ADK: variants seen among roughly 807,000 people sequenced by gnomAD.
ADK encodes adenosine kinase.
In ADK, 24 loss-of-function variants were observed where a neutral mutation model predicts 44.7. The observed-to-expected ratio is 0.54, with a 90% confidence interval of 0.39 to 0.76. The LOEUF (loss-of-function observed/expected upper bound fraction) is 0.76, where lower values mean the gene tolerates loss of function less well. ADK is among the 30% of genes least tolerant of loss of function. ADK has a pLI of 0.00. For missense variants in ADK, 321 were observed against 425.1 expected (o/e 0.76, Z 2.15); for synonymous variants, 128 against 142.6 (o/e 0.90, Z 0.73).
chr10:74,600,498 A>T lies in ADK; in HGVS notation c.877+5A>T, dbSNP rs1349591100. On this transcript the variant is annotated splice_donor_5th_base_variant and intron_variant, in intron 9 of 10. Coordinates refer to ENST00000539909, the MANE Select transcript of ADK (RefSeq NM_006721.4). The stretch of plus-strand genomic sequence containing the variant: ...ATGACACTATAATGGCTACAGGTAC[A>T]TGTGGGAAATGTGTGATGAATCTAG... 1 of 1,578,892 alleles carries T rather than the reference A, an allele frequency of 6.3e-7. No homozygotes were observed. Among genetic ancestry groups the T allele is most frequent in the East Asian group, 2.3e-5 (1 of 44,224 alleles).
At chr10:74,216,904 A>G (rs987380671) in intron 2 of ADK, among the ~76,000 whole-genome samples, 4 of 152,202 alleles carry the variant, frequency 2.6e-5, no homozygotes, top group Non-Finnish European at 4.4e-5. Context: ...ATGGCCGAAT[A>G]GGAACAGCTC....
chr10:74,697,887 CT>C (rs1856263887), intron 10 of ADK, among the ~76,000 whole-genome samples: 1 of 152,200 alleles, frequency 6.6e-6, no homozygotes, highest in Admixed American at 6.5e-5. Context: ...AGCACCTCCT[CT>C]TTTTGTACAA....
intron 6 of ADK, among the ~76,000 whole-genome samples, chr10:74,516,125 G>C (rs377416629): frequency 3.9e-5 from 6 of 152,174 alleles, no homozygotes; most frequent in African/African-American, 1.4e-4. Context: ...ATTCCTGGCA[G>C]CTCTCCAAAA....
chr10:74,570,059 G>T (rs1850883507), intron 7 of ADK, among the ~76,000 whole-genome samples: 1 of 151,988 alleles, frequency 6.6e-6, no homozygotes, highest in Non-Finnish European at 1.5e-5. Context: ...GTTTTTGTCA[G>T]GTTTGTCAAA....
chr10:74,177,032 C>T, intron 1 of ADK: 2 of 1,185,942 alleles, frequency 1.7e-6, no homozygotes, highest in Non-Finnish European at 2.4e-6. Flanking sequence ...CCGCACTTTT[C>T]ATTTGGGCAT....
chr10:74,261,585 T>C (rs1846039547), intron 3 of ADK, among the ~76,000 whole-genome samples: 1 of 152,196 alleles, frequency 6.6e-6, no homozygotes, highest in African/African-American at 2.4e-5. Flanking sequence ...TACATGTAGG[T>C]CTAAAATGTC....
intron 6 of ADK, among the ~76,000 whole-genome samples, chr10:74,463,112 T>A (rs576683342): frequency 1.9e-3 from 282 of 152,228 alleles, no homozygotes; most frequent in African/African-American, 6.5e-3. Context: ...TAAAAAATCT[T>A]TACTATTTAT....
chr10:74,381,846 C>G (rs919308721), intron 4 of ADK, among the ~76,000 whole-genome samples: 2 of 152,142 alleles, frequency 1.3e-5, no homozygotes, highest in Admixed American at 1.3e-4. Context: ...CTTTGCCTTA[C>G]GTTTTTGATG....
At chr10:74,343,499 G>T (rs1841655521) in intron 4 of ADK, among the ~76,000 whole-genome samples, 2 of 152,188 alleles carry the variant, frequency 1.3e-5, no homozygotes, top group African/African-American at 4.8e-5. Flanking sequence ...AACTGGTTTT[G>T]CTGTCTTAAG....
chr10:74,650,935 A>G (rs1024686426), intron 9 of ADK, among the ~76,000 whole-genome samples: 30 of 152,098 alleles, frequency 2.0e-4, no homozygotes, highest in Admixed American at 1.9e-3. Flanking sequence ...AAACAAAAAT[A>G]CTGATTCTTG....
chr10:74,319,111 A>G (rs1457983040), intron 4 of ADK, among the ~76,000 whole-genome samples: 2 of 152,256 alleles, frequency 1.3e-5, no homozygotes, highest in Non-Finnish European at 2.9e-5. Flanking sequence ...AAAAAGAAGC[A>G]TGCCTTTATT....
chr10:74,351,150 C>T (rs1000854499), intron 4 of ADK, among the ~76,000 whole-genome samples: 4 of 152,150 alleles, frequency 2.6e-5, no homozygotes, highest in Non-Finnish European at 5.9e-5. Context: ...GGCCAATATC[C>T]CTGATGAACA....
At chr10:74,426,133 T>C (rs1016515717) in intron 6 of ADK, among the ~76,000 whole-genome samples, 2 of 152,188 alleles carry the variant, frequency 1.3e-5, no homozygotes, top group African/African-American at 4.8e-5. Flanking sequence ...TTGCATTATA[T>C]CTACTATTTC....
chr10:74,344,260 T>A (rs935577051), intron 4 of ADK, among the ~76,000 whole-genome samples: 2 of 152,196 alleles, frequency 1.3e-5, no homozygotes, highest in African/African-American at 4.8e-5. Flanking sequence ...TGGTATTAAT[T>A]TTTTTAAAAG....
At chr10:74,612,040 G>A (rs1852567858) in intron 9 of ADK, among the ~76,000 whole-genome samples, 1 of 152,104 alleles carries the variant, frequency 6.6e-6, no homozygotes, top group South Asian at 2.1e-4. Flanking sequence ...AGTTCTTTGA[G>A]AAAGTTCCAA....
At chr10:74,526,008 A>G (rs1484371880) in intron 7 of ADK, among the ~76,000 whole-genome samples, 1 of 152,124 alleles carries the variant, frequency 6.6e-6, no homozygotes, top group Non-Finnish European at 1.5e-5. Flanking sequence ...AGTAAGAGTC[A>G]TCCTTTTTAC....
intron 5 of ADK, among the ~76,000 whole-genome samples, chr10:74,396,989 T>G (rs1315485404): frequency 3.3e-5 from 5 of 152,210 alleles, no homozygotes; most frequent in African/African-American, 1.2e-4. Context: ...CTTTTATTTT[T>G]CTTTTGGAGA....
At chr10:74,630,882 G>A (rs1411529987) in intron 9 of ADK, among the ~76,000 whole-genome samples, 1 of 151,340 alleles carries the variant, frequency 6.6e-6, no homozygotes, top group Non-Finnish European at 1.5e-5. Context: ...CTTATTAATA[G>A]AGAAGAGCTT....
chr10:74,497,335 T>C (rs747892472), intron 6 of ADK, among the ~76,000 whole-genome samples: 5 of 152,234 alleles, frequency 3.3e-5, no homozygotes, highest in Non-Finnish European at 7.3e-5. Context: ...GCTGAAGGCA[T>C]GGTGTTTTTG....
Sources: allele counts gnomAD v4.1 joint callset (sites outside exome capture counted in the v4.1 genomes callset), GRCh38; gene constraint gnomAD v4.1.1; transcripts MANE v1.5; gene names NCBI Gene and HGNC (gene_info 2026-07-23, HGNC 2026-07-21).